SOX5: variants seen among roughly 807,000 people sequenced by gnomAD.
The protein encoded by SOX5 is SRY-box transcription factor 5.
Under a neutral mutation model 92.0 loss-of-function variants are expected in SOX5, and 9 were observed. The observed-to-expected ratio is 0.10, with a 90% CI of 0.06 to 0.17. SOX5 has a LOEUF of 0.17. Among genes scored for constraint, SOX5 ranks in the 10% least tolerant of loss-of-function variants. SOX5 has a pLI of 1.00. For synonymous variants in SOX5, 344 were observed against 336.3 expected, an observed-to-expected ratio of 1.02 and a Z score of -0.25; for missense variants, 642 against 944.5, an observed-to-expected ratio of 0.68 and a Z score of 4.20.
At chr12:24,452,117 T>G (rs922511745) in intron 1 of SOX5, among the ~76,000 whole-genome samples, 3 of 152,168 alleles carry the variant, frequency 2.0e-5, no homozygotes, top group Non-Finnish European at 4.4e-5. Context: ...TTAATAGATT[T>G]ATGTCATCTA....
Position 23,858,091 on chromosome 12 carries a change from A to G in SOX5, c.271-11898T>C, listed in dbSNP as rs529033630. ...TGTATGTGTGTGTGTGTGTGTGTGT[A>G]TATGCAAGGCAGGTACATATATGTG... is the stretch of plus-strand genomic sequence containing the variant. On this transcript the variant is annotated intron_variant, in intron 2 of 14. Coordinates refer to ENST00000451604, the MANE Select transcript of SOX5 (RefSeq NM_006940.6). Among the ~76,000 whole-genome samples the G allele has an allele frequency of 1.9e-4, 29 of 151,374 alleles. No homozygotes were observed. The East Asian group carries it at 2.3e-3, about 12-fold the overall frequency.
intron 1 of SOX5, among the ~76,000 whole-genome samples, chr12:24,458,325 A>C (rs1025072276): frequency 3.3e-5 from 5 of 152,192 alleles, no homozygotes; most frequent in Admixed American, 1.3e-4. Context: ...TGTCTTCTCT[A>C]AAAACTCCAG....
intron 2 of SOX5, among the ~76,000 whole-genome samples, chr12:24,305,857 A>T (rs1948504216): frequency 6.6e-6 from 1 of 152,164 alleles, no homozygotes; most frequent in African/African-American, 2.4e-5. Context: ...TCGGCCTCCC[A>T]AACTGCTAAA....
chr12:23,926,402 G>C (rs1939940918), intron 1 of SOX5, among the ~76,000 whole-genome samples: 1 of 151,964 alleles, frequency 6.6e-6, no homozygotes, highest in African/African-American at 2.4e-5. Context: ...CATCTACATG[G>C]GGAAAGCGAG....
chr12:24,449,269 A>T (rs186515076), intron 1 of SOX5, among the ~76,000 whole-genome samples: 1 of 152,268 alleles, frequency 6.6e-6, no homozygotes, highest in East Asian at 1.9e-4. Context: ...TCTCGCTCTT[A>T]TCAACTCTCC....
chr12:23,842,234 T>C (rs1337685837), intron 3 of SOX5, among the ~76,000 whole-genome samples: 1 of 152,112 alleles, frequency 6.6e-6, no homozygotes, highest in Admixed American at 6.6e-5. Flanking sequence ...ACATGTATAC[T>C]AGAACTGAAC....
intron 1 of SOX5, among the ~76,000 whole-genome samples, chr12:24,443,325 T>G (rs116870944): frequency 6.6e-6 from 1 of 152,166 alleles, no homozygotes; most frequent in Non-Finnish European, 1.5e-5. Context: ...GCCCCAGAAG[T>G]AAAGATGGAC....
intron 3 of SOX5, among the ~76,000 whole-genome samples, chr12:23,823,485 C>A (rs1281627425): frequency 2.0e-5 from 3 of 152,164 alleles, no homozygotes; most frequent in African/African-American, 7.2e-5. Flanking sequence ...GAGAGATATG[C>A]TATTAGTCTG....
intron 4 of SOX5, among the ~76,000 whole-genome samples, chr12:24,085,932 C>T (rs1488429214): frequency 3.3e-5 from 5 of 150,128 alleles, no homozygotes; most frequent in Non-Finnish European, 5.9e-5. Context: ...CATAAGTTGT[C>T]CACACAGACA....
intron 2 of SOX5, among the ~76,000 whole-genome samples, chr12:24,347,505 A>G (rs1953457000): frequency 6.6e-6 from 1 of 152,212 alleles, no homozygotes; most frequent in African/African-American, 2.4e-5. Flanking sequence ...AGCAAAAAAA[A>G]TTCTCATTAA....
At chr12:23,641,027 T>C in intron 7 of SOX5, 130 bp from the exon 8 acceptor site, 1 of 591,574 alleles carries the variant, frequency 1.7e-6, no homozygotes, top group Non-Finnish European at 2.9e-6. Context: ...AAAGCTCTAT[T>C]GTGCAGCCTT....
chr12:23,986,214 A>G (rs1415144129), intron 4 of SOX5, among the ~76,000 whole-genome samples: 1 of 152,194 alleles, frequency 6.6e-6, no homozygotes, highest in African/African-American at 2.4e-5. Flanking sequence ...CAATAAATCT[A>G]TCTTTAACTG....
intron 1 of SOX5, among the ~76,000 whole-genome samples, chr12:23,931,215 A>T (rs1941325897): frequency 6.6e-6 from 1 of 151,760 alleles, no homozygotes; most frequent in South Asian, 2.1e-4. Context: ...AATATTGACA[A>T]TTCATCATCA....
At chr12:24,322,397 T>TG (rs1226907635) in intron 2 of SOX5, among the ~76,000 whole-genome samples, 1 of 1,180 alleles carries the variant, frequency 8.5e-4, no homozygotes, top group Non-Finnish European at 3.7e-3. Context: ...GCATAAAAAC[T>TG]AAAGATAACA....
At position 23,900,533 on chromosome 12, in the gene SOX5, G is replaced by T. The variant is rs117425096; in HGVS notation, c.39-4509C>A. Among the ~76,000 whole-genome samples the T allele has an allele frequency of 5.1e-3, 779 of 152,148 alleles. 4 individuals carry two copies. Among genetic ancestry groups the T allele is most frequent in the Non-Finnish European group, 8.3e-3 (564 of 67,988 alleles). ...CCTGCACATTGGAATTACCTGGAGA[G>T]GTTTAAAAAATACTGATCCCTGGGT... is the stretch of plus-strand genomic sequence containing the variant. On this transcript the variant is annotated intron_variant, in intron 1 of 14. Transcript: ENST00000451604.
At chr12:23,901,688 A>G (rs1488745572) in intron 1 of SOX5, among the ~76,000 whole-genome samples, 1 of 152,146 alleles carries the variant, frequency 6.6e-6, no homozygotes, top group East Asian at 1.9e-4. Flanking sequence ...TTTATGGTCA[A>G]TCTCTCCCAC....
chr12:23,787,781 T>C (rs966248669), intron 3 of SOX5, among the ~76,000 whole-genome samples: 3 of 151,920 alleles, frequency 2.0e-5, no homozygotes, highest in Non-Finnish European at 4.4e-5. Flanking sequence ...AGAAACATTA[T>C]TGATGTTAGT....
At chr12:23,606,334 T>C (rs770702295) in intron 8 of SOX5, among the ~76,000 whole-genome samples, 1 of 151,828 alleles carries the variant, frequency 6.6e-6, no homozygotes, top group Non-Finnish European at 1.5e-5. Context: ...TCATATTGTA[T>C]TGTATATTGT....
intron 1 of SOX5, among the ~76,000 whole-genome samples, chr12:24,491,089 T>C (rs1037706457): frequency 6.6e-6 from 1 of 152,064 alleles, no homozygotes; most frequent in African/African-American, 2.4e-5. Context: ...TTTCTTTCTG[T>C]CTTCATGCCA....
Sources: allele counts gnomAD v4.1 joint callset (sites outside exome capture counted in the v4.1 genomes callset), GRCh38; gene constraint gnomAD v4.1.1; transcripts MANE v1.5; gene names NCBI Gene and HGNC (gene_info 2026-07-23, HGNC 2026-07-21).